GMDS: variants seen among roughly 807,000 people sequenced by gnomAD.
GMDS encodes GDP-mannose 4,6 dehydratase.
GMDS carries 20 observed loss-of-function variants against 49.9 expected under a neutral mutation model. The observed-to-expected ratio is 0.40, with a 90% CI of 0.28 to 0.58. The LOEUF (loss-of-function observed/expected upper bound fraction) is 0.58. GMDS is among the 20% of genes least tolerant of loss of function. The pLI, the probability that GMDS is intolerant of heterozygous loss-of-function variation, is 0.42. For missense variants in GMDS, 362 were observed against 481.4 expected, an observed-to-expected ratio of 0.75 and a Z score of 2.32; for synonymous variants, 177 against 178.6, an observed-to-expected ratio of 0.99 and a Z score of 0.07.
At chr6:1,926,588 T>C (rs1349362495) in intron 7 of GMDS, among the ~76,000 whole-genome samples, 1 of 152,270 alleles carries the variant, frequency 6.6e-6, no homozygotes, top group Non-Finnish European at 1.5e-5. Flanking sequence ...TCAGGGTGCA[T>C]GTGTGTTTTA....
chr6:1,718,220 C>T (rs1766240127), intron 9 of GMDS, among the ~76,000 whole-genome samples: 2 of 152,106 alleles, frequency 1.3e-5, no homozygotes, highest in Non-Finnish European at 2.9e-5. Context: ...CACATCTAGG[C>T]CCTAGCCCTG....
At chr6:2,151,590 C>T (rs1776847139) in intron 1 of GMDS, among the ~76,000 whole-genome samples, 1 of 151,988 alleles carries the variant, frequency 6.6e-6, no homozygotes, top group South Asian at 2.1e-4. Flanking sequence ...TAACCTATTA[C>T]TCATAATCAT....
Position 2,230,858 on chromosome 6 carries a change from T to C in GMDS, c.102+14463A>G, listed in dbSNP as rs538229750. Among the ~76,000 whole-genome samples, 5 of 150,360 alleles carry C rather than the reference T, an allele frequency of 3.3e-5. No individual in the cohort carries two copies. In the South Asian group the frequency reaches 1.1e-3, roughly 32 times the overall value. On this transcript the variant is annotated intron_variant, in intron 1 of 10. Transcript: ENST00000380815. ...CAAAAATCTACTATGTATTATTACT[T>C]CTCCTCAAAAAAAAACCCCAAAACC... is the stretch of plus-strand genomic sequence containing the variant.
intron 4 of GMDS, among the ~76,000 whole-genome samples, chr6:1,995,765 GGGA>G (rs1387823828): frequency 6.6e-6 from 1 of 152,182 alleles, no homozygotes; most frequent in Non-Finnish European, 1.5e-5. Flanking sequence ...CACGTGGCTT[GGGA>G]AGGGCCAGGC....
chr6:1,739,323 C>G (rs1029697127), intron 8 of GMDS, among the ~76,000 whole-genome samples: 1 of 152,218 alleles, frequency 6.6e-6, no homozygotes, highest in South Asian at 2.1e-4. Context: ...TGCCCCAGCC[C>G]TGGAAATTAA....
At chr6:2,212,481 G>A (rs1780108909) in intron 1 of GMDS, among the ~76,000 whole-genome samples, 1 of 152,114 alleles carries the variant, frequency 6.6e-6, no homozygotes, top group Non-Finnish European at 1.5e-5. Context: ...ACAATTTTTA[G>A]ATAATAATAC....
intron 4 of GMDS, among the ~76,000 whole-genome samples, chr6:2,065,784 T>A (rs1297411053): frequency 1.3e-5 from 2 of 152,164 alleles, no homozygotes; most frequent in Non-Finnish European, 2.9e-5. Context: ...AAAGACCAAA[T>A]CTACGTCTGA....
At chr6:1,643,068 T>C (rs1234019262) in intron 9 of GMDS, among the ~76,000 whole-genome samples, 2 of 152,164 alleles carry the variant, frequency 1.3e-5, no homozygotes, top group African/African-American at 4.8e-5. Context: ...TTTATTTTCT[T>C]ATCCTGAGTC....
chr6:2,182,166 G>C (rs975218087), intron 1 of GMDS, among the ~76,000 whole-genome samples: 2 of 152,236 alleles, frequency 1.3e-5, no homozygotes, highest in East Asian at 1.9e-4. Context: ...CTAATCCAGA[G>C]CAAGGCTCTA....
intron 4 of GMDS, among the ~76,000 whole-genome samples, chr6:2,074,874 T>C (rs1365545404): frequency 2.6e-5 from 4 of 152,116 alleles, no homozygotes; most frequent in Non-Finnish European, 4.4e-5. Context: ...ATATCCAATT[T>C]TCCCCAGAAC....
chr6:1,948,495 A>C (rs1763191244), intron 6 of GMDS, among the ~76,000 whole-genome samples: 1 of 152,180 alleles, frequency 6.6e-6, no homozygotes, highest in Non-Finnish European at 1.5e-5. Flanking sequence ...ACTTAAAAAA[A>C]TACTTGAAAA....
At chr6:1,764,022 CCTGCCTG>C (rs1768255815) in intron 7 of GMDS, among the ~76,000 whole-genome samples, 1 of 152,076 alleles carries the variant, frequency 6.6e-6, no homozygotes, top group Admixed American at 6.5e-5. Context: ...GCATTGTAGG[CCTGCCTG>C]CTGCTTGTCC....
At chr6:1,716,942 C>T (rs1581500736) in intron 9 of GMDS, among the ~76,000 whole-genome samples, 3 of 152,186 alleles carry the variant, frequency 2.0e-5, no homozygotes, top group Admixed American at 1.3e-4. Flanking sequence ...TGAGTGTGTA[C>T]ATTATGCAAT....
intron 7 of GMDS, among the ~76,000 whole-genome samples, chr6:1,839,549 T>A (rs560186802): frequency 1.3e-5 from 2 of 152,210 alleles, no homozygotes; most frequent in Non-Finnish European, 2.9e-5. Flanking sequence ...CCCCTGACCC[T>A]TAAATATTTA....
chr6:2,245,202 C>G (rs912801545), intron 1 of GMDS, 119 bp downstream of exon 1: 21 of 706,664 alleles, frequency 3.0e-5, no homozygotes, highest in Non-Finnish European at 4.6e-5. Flanking sequence ...GCAGCAGACC[C>G]CTTCCGGGAC....
chr6:1,828,083 C>T (rs1312876591), intron 7 of GMDS, among the ~76,000 whole-genome samples: 1 of 151,698 alleles, frequency 6.6e-6, no homozygotes, highest in Non-Finnish European at 1.5e-5. Flanking sequence ...ATGAGAATAA[C>T]AACAAAAAGA....
At position 1,959,983 on chromosome 6, in the gene GMDS, A is replaced by AT. The variant is rs760488300; in HGVS notation, c.539-13dup. The stretch of plus-strand genomic sequence containing the variant: ...GAGTTTTGCTGCCCCTGTTGGAATA[A>AT]TTTTTTTTAAGCAATGAAGTTTGTT... On this transcript the variant is annotated splice_polypyrimidine_tract_variant and intron_variant, in intron 5 of 10. Transcript: ENST00000380815. The AT allele has an allele frequency of 3.3e-5, 51 of 1,527,416 alleles. No homozygotes were observed. The highest frequency in any genetic ancestry group is 5.5e-5 in the Admixed American group (3 of 54,404). 94.6% of individuals were successfully genotyped at this position (1,527,416 alleles called of 1,614,324 possible).
chr6:2,026,484 C>T (rs899462842), intron 4 of GMDS, among the ~76,000 whole-genome samples: 4 of 152,206 alleles, frequency 2.6e-5, no homozygotes, highest in African/African-American at 9.6e-5. Flanking sequence ...ACGCACACAT[C>T]GTTTCTCTTA....
chr6:2,080,889 G>A (rs1772652258), intron 4 of GMDS, among the ~76,000 whole-genome samples: 1 of 152,110 alleles, frequency 6.6e-6, no homozygotes. Context: ...AAGTTATTAG[G>A]TTGAACAACC....
Sources: gnomAD v4.1 joint callset for allele counts (sites outside exome capture counted in the v4.1 genomes callset) on GRCh38, gnomAD v4.1.1 for gene constraint, MANE v1.5 for transcripts, NCBI Gene and HGNC (gene_info 2026-07-23, HGNC 2026-07-21) for gene names.